The following PTPRD variants were observed in gnomAD, a reference collection of about 807,000 sequenced individuals.
The protein encoded by PTPRD is protein tyrosine phosphatase receptor type D, also known as receptor-type tyrosine-protein phosphatase delta.
A neutral mutation model predicts 214.5 loss-of-function variants in PTPRD; 34 were observed. The ratio of observed to expected loss-of-function variants is 0.16; its 90% CI spans 0.12 to 0.21. The LOEUF (loss-of-function observed/expected upper bound fraction) is 0.21, where lower values mean the gene tolerates loss of function less well. Ranked by LOEUF, PTPRD falls within the 10% of genes least tolerant of loss-of-function variation. The pLI, the probability that PTPRD is intolerant of heterozygous loss-of-function variation, is 1.00. For missense variants in PTPRD, 2,545 were observed against 2,398.7 expected (o/e 1.06, Z -1.27); for synonymous variants, 1,128 against 845.7 (o/e 1.33, Z -5.79).
chr9:9,696,811 A>G (rs115002600), intron 7 of PTPRD, among the ~76,000 whole-genome samples: 125 of 152,196 alleles, frequency 8.2e-4, no homozygotes, highest in African/African-American at 2.6e-3. Flanking sequence ...CAATGTTATT[A>G]TTGATAGGTA....
chr9:9,175,490 G>A (rs531155489), intron 10 of PTPRD, among the ~76,000 whole-genome samples: 4 of 151,808 alleles, frequency 2.6e-5, no homozygotes, highest in South Asian at 4.2e-4. Flanking sequence ...GAGCATGATG[G>A]TGGGTGCCTG....
chr9:8,918,599 A>G (rs2098803781), intron 11 of PTPRD, among the ~76,000 whole-genome samples: 1 of 152,204 alleles, frequency 6.6e-6, no homozygotes, highest in Admixed American at 6.5e-5. Flanking sequence ...ATGCATGCAT[A>G]TATAGTGATT....
At chr9:10,155,024 A>C (rs543643936) in intron 3 of PTPRD, among the ~76,000 whole-genome samples, 35 of 152,076 alleles carry the variant, frequency 2.3e-4, no homozygotes, top group African/African-American at 8.2e-4. Context: ...TGAATCTTTG[A>C]ATTGTTTTGG....
rs1285671014 is a variant in PTPRD, at chr9:10,327,257, A to C, written c.-545+13706T>G. ...GCAGGAAATGAAAAAGAAAACAATC[A>C]ATTTTATTTAGAGCTAATACGAACC... is the stretch of plus-strand genomic sequence containing the variant. On this transcript the variant is annotated intron_variant, in intron 3 of 45. Transcript: ENST00000381196. Among the ~76,000 whole-genome samples the C allele has an allele frequency of 4.6e-5, 7 of 150,622 alleles. No homozygotes were observed. In the East Asian group the frequency reaches 1.4e-3, roughly 30 times the overall value.
intron 9 of PTPRD, among the ~76,000 whole-genome samples, chr9:9,300,484 T>C (rs1954845765): frequency 6.6e-6 from 1 of 151,846 alleles, no homozygotes; most frequent in African/African-American, 2.4e-5. Flanking sequence ...AGCAATGGAC[T>C]GAATGTTTGT....
rs149343630 is a variant in PTPRD at position 8,561,435 on chromosome 9, T to C, written c.353-32656A>G. Among the ~76,000 whole-genome samples, 1,039 of 152,222 alleles carry C rather than the reference T, an allele frequency of 6.8e-3. 4 individuals are homozygous for C. The highest frequency in any genetic ancestry group is 0.011 in the Non-Finnish European group (762 of 68,022). On this transcript the variant is annotated intron_variant, in intron 14 of 45. Transcript: ENST00000381196. ...CCCTTCAACTGTCAGCCTACCCTCA[T>C]TTTTCTTGGACGCAGGATAAGAGCT...
intron 12 of PTPRD, among the ~76,000 whole-genome samples, chr9:8,703,170 C>G (rs2098127520): frequency 6.6e-6 from 1 of 152,150 alleles, no homozygotes; most frequent in Admixed American, 6.5e-5. Context: ...GACTTCCTCT[C>G]CAGACCAAAT....
At chr9:9,565,696 A>T (rs1377981292) in intron 8 of PTPRD, among the ~76,000 whole-genome samples, 1 of 151,964 alleles carries the variant, frequency 6.6e-6, no homozygotes, top group African/African-American at 2.4e-5. Flanking sequence ...GTACCTTAAC[A>T]TATTCCCAGA....
At chr9:8,557,745 TAAAAAAAA>T (rs752836520) in intron 14 of PTPRD, among the ~76,000 whole-genome samples, 2 of 46,780 alleles carry the variant, frequency 4.3e-5, no homozygotes, top group Non-Finnish European at 7.5e-5. Flanking sequence ...TGTCTCTCAA[TAAAAAAAA>T]AAAAAAAAAA....
Position 8,500,745 on chromosome 9 carries a change from G to A in PTPRD, c.2128+9C>T, listed in dbSNP as rs2136945132. 6.2e-7 allele frequency: 1 copy of A among 1,613,374 alleles called. No individual in the cohort carries two copies. ...AAGGGTGCAAACTGACGTAGCGGAG[G>A]CAACATACCATCTTCATTGGTTCGA... is the stretch of plus-strand genomic sequence containing the variant. On this transcript the variant is annotated intron_variant, in intron 24 of 45. Transcript: ENST00000381196.
chr9:8,495,956 C>G (rs1462882609), intron 26 of PTPRD, among the ~76,000 whole-genome samples: 1 of 152,040 alleles, frequency 6.6e-6, no homozygotes, highest in Non-Finnish European at 1.5e-5. Context: ...ACTGACCGGC[C>G]AGCTTTTTAG....
intron 5 of PTPRD, among the ~76,000 whole-genome samples, chr9:9,928,271 C>T (rs1186883933): frequency 6.6e-6 from 1 of 152,118 alleles, no homozygotes; most frequent in East Asian, 1.9e-4. Flanking sequence ...TGAATCAATG[C>T]TATCTTAATA....
chr9:8,518,359 G>A lies in PTPRD; in HGVS notation c.1032C>T (p.Asp344=), dbSNP rs766039473. 3.7e-6 allele frequency: 6 copies of A among 1,613,976 alleles called. No homozygotes were observed. In the Admixed American group the frequency reaches 8.3e-5, roughly 22 times the overall value. The part of the protein sequence containing the change: ...STATSITLTW[D]SGNPEPVSYY... ...AAGAAACAGGCTCAGGGTTCCCAGAGTCCCACGTCAGTGTGATGCTTGTAG... is the reference window on the plus strand; with the variant it reads ...AAGAAACAGGCTCAGGGTTCCCAGAATCCCACGTCAGTGTGATGCTTGTAG... Residue 344 remains aspartate (D), a synonymous_variant, in exon 21 of 46, where the codon GAC becomes GAT. Transcript: ENST00000381196.
chr9:9,931,724 C>G (rs533473583), intron 5 of PTPRD, among the ~76,000 whole-genome samples: 1 of 151,710 alleles, frequency 6.6e-6, no homozygotes, highest in African/African-American at 2.4e-5. Context: ...TGGAGTCCAC[C>G]ACAGCTCAAG....
At chr9:9,692,840 T>C (rs1023799017) in intron 7 of PTPRD, among the ~76,000 whole-genome samples, 5 of 151,942 alleles carry the variant, frequency 3.3e-5, no homozygotes, top group Non-Finnish European at 7.4e-5. Context: ...TGTAGAGATG[T>C]TTTACCTCTT....
Position 8,577,781 on chromosome 9 carries a change from C to T in PTPRD, c.353-49002G>A, listed in dbSNP as rs150104230. ...GCAGCCTCTGCATCACCTGGGAACT[C>T]ATTAAAAATGCAAAATCTCGGGCCC... On this transcript the variant is annotated intron_variant, in intron 14 of 45. Transcript: ENST00000381196. 1.4e-3 allele frequency among the ~76,000 whole-genome samples: 208 copies of T among 152,192 alleles called. 1 individual carries two copies. Among genetic ancestry groups the T allele is most frequent in the African/African-American group, 4.9e-3 (202 of 41,524 alleles).
chr9:10,034,940 G>A (rs7021762), intron 3 of PTPRD, among the ~76,000 whole-genome samples: 48,273 of 151,716 alleles, frequency 0.32, 8,218 homozygotes, highest in East Asian at 0.62. Flanking sequence ...TTGAGTATAT[G>A]GTAATAGGAT....
chr9:10,183,329 G>C (rs1443635589), intron 3 of PTPRD, among the ~76,000 whole-genome samples: 1 of 152,138 alleles, frequency 6.6e-6, no homozygotes, highest in African/African-American at 2.4e-5. Context: ...GTATTGCATG[G>C]ATGGATGATG....
At chr9:9,890,739 C>T (rs1180261137) in intron 5 of PTPRD, among the ~76,000 whole-genome samples, 1 of 151,864 alleles carries the variant, frequency 6.6e-6, no homozygotes, top group Non-Finnish European at 1.5e-5. Context: ...CAGAAACACA[C>T]CATCAATCGG....
Sources: gnomAD v4.1 joint callset for allele counts (sites outside exome capture counted in the v4.1 genomes callset) on GRCh38, gnomAD v4.1.1 for gene constraint, MANE v1.5 for transcripts, NCBI Gene and HGNC (gene_info 2026-07-23, HGNC 2026-07-21) for gene names.